F13A1: variants seen among roughly 807,000 people sequenced by gnomAD.
The protein encoded by F13A1 is FSF, A subunit.
In F13A1, 47 loss-of-function variants were observed where a neutral mutation model predicts 80.1. The observed-to-expected ratio is 0.59, with a 90% CI of 0.46 to 0.75. The LOEUF (loss-of-function observed/expected upper bound fraction) is 0.75, where lower values mean the gene tolerates loss of function less well. F13A1 is among the 30% of genes least tolerant of loss of function. The pLI, the probability that F13A1 is intolerant of heterozygous loss-of-function variation, is 0.00. For synonymous variants in F13A1, 349 were observed against 344.9 expected (o/e 1.01, Z -0.13); for missense variants, 817 against 930.4 (o/e 0.88, Z 1.59).
chr6:6,295,435 T>C (rs1291121672), intron 3 of F13A1, among the ~76,000 whole-genome samples: 4 of 148,268 alleles, frequency 2.7e-5, no homozygotes, highest in Non-Finnish European at 5.9e-5. Flanking sequence ...ATGATTGCCA[T>C]TCTAACTGGT....
intron 2 of F13A1, among the ~76,000 whole-genome samples, chr6:6,311,058 G>A (rs1472898004): frequency 1.4e-4 from 14 of 97,402 alleles, no homozygotes; most frequent in Admixed American, 2.0e-4. Context: ...TTAAAAAAAA[G>A]TATCATTGTC....
chr6:6,179,457 TG>T (rs1250136740), intron 11 of F13A1, among the ~76,000 whole-genome samples: 1 of 152,218 alleles, frequency 6.6e-6, no homozygotes, highest in Non-Finnish European at 1.5e-5. Flanking sequence ...TCAGCATTTG[TG>T]GATCAGAGAA....
chr6:6,190,178 C>G (rs1291569321), intron 10 of F13A1, among the ~76,000 whole-genome samples: 4 of 151,938 alleles, frequency 2.6e-5, no homozygotes, highest in South Asian at 2.1e-4. Flanking sequence ...AATGTCCTCC[C>G]GTAGCTCAGA....
intron 3 of F13A1, among the ~76,000 whole-genome samples, chr6:6,304,299 C>T (rs765406450): frequency 4.1e-4 from 62 of 152,098 alleles, no homozygotes; most frequent in Non-Finnish European, 7.9e-4. Flanking sequence ...TCTGTGACTG[C>T]TGATTTGATT....
At chr6:6,197,732 GA>G (rs1761316986) in intron 8 of F13A1, among the ~76,000 whole-genome samples, 1 of 151,684 alleles carries the variant, frequency 6.6e-6, no homozygotes, top group African/African-American at 2.4e-5. Flanking sequence ...CAGATTATTA[GA>G]ATGGATTAAG....
Position 6,145,620 on chromosome 6 carries a change from C to T in F13A1, c.2198G>A (p.Ter733=), listed in dbSNP as rs1311248961. 1.2e-6 allele frequency: 2 copies of T among 1,614,006 alleles called. No individual in the cohort carries two copies. The highest frequency in any genetic ancestry group is 1.7e-6 in the Non-Finnish European group (2 of 1,179,992). Residue 733 remains the stop codon, a stop_retained_variant, in exon 15 of 15, where the codon TGA becomes TAA. Coordinates refer to ENST00000264870, the MANE Select transcript of F13A1 (RefSeq NM_000129.4). Reference sequence around the variant, plus strand: ...GGTTCATCTCAGCTTCCTGTGCATTCACATGGAAGGTCGTCTTTGAATCTG... The same window carrying T: ...GGTTCATCTCAGCTTCCTGTGCATTTACATGGAAGGTCGTCTTTGAATCTG... ...DVQIQRRPSM[*]
chr6:6,296,456 C>T (rs1758329345), intron 3 of F13A1, among the ~76,000 whole-genome samples: 1 of 146,556 alleles, frequency 6.8e-6, no homozygotes. Flanking sequence ...TGAAGAGGTC[C>T]TTCACATCCC....
intron 8 of F13A1, among the ~76,000 whole-genome samples, chr6:6,210,743 T>A (rs549387169): frequency 7.2e-5 from 11 of 152,052 alleles, no homozygotes; most frequent in African/African-American, 2.7e-4. Context: ...TATTTATTTT[T>A]GAGACCAAGT....
rs778625514 is a variant in F13A1 at position 6,272,753 on chromosome 6, TACA to T, written c.320-5947_320-5945del. ...AGTAATGCCTGCAAGGACAAACTCCTACAACAACAGAAAGTCCAGATGTCCCAA... is the reference window on the plus strand; with the variant it reads ...AGTAATGCCTGCAAGGACAAACTCCTACAACAGAAAGTCCAGATGTCCCAA... On this transcript the variant is annotated intron_variant, in intron 3 of 14. Transcript: ENST00000264870. 7.9e-5 allele frequency among the ~76,000 whole-genome samples: 12 copies of T among 152,200 alleles called. No homozygotes were observed. In the East Asian group the frequency reaches 1.7e-3, roughly 22 times the overall value.
At chr6:6,272,523 C>A (rs868459314) in intron 3 of F13A1, among the ~76,000 whole-genome samples, 8 of 152,186 alleles carry the variant, frequency 5.3e-5, no homozygotes, top group Non-Finnish European at 8.8e-5. Flanking sequence ...GGCATGTCAT[C>A]TGTAAGTCCA....
intron 8 of F13A1, among the ~76,000 whole-genome samples, chr6:6,203,140 A>T (rs1761426813): frequency 6.6e-6 from 1 of 152,264 alleles, no homozygotes. Context: ...ATTCAGCCAT[A>T]AAAATGCAGA....
In F13A1 at chr6:6,214,329, G is replaced by C. The variant is rs1206595722; in HGVS notation, c.1112+7704C>G. Among the ~76,000 whole-genome samples, 284 of 151,586 alleles carry C rather than the reference G, an allele frequency of 1.9e-3. 1 individual carries two copies. Among genetic ancestry groups the C allele is most frequent in the African/African-American group, 6.3e-3 (260 of 41,010 alleles). On this transcript the variant is annotated intron_variant, in intron 8 of 14. Coordinates refer to ENST00000264870, the MANE Select transcript of F13A1 (RefSeq NM_000129.4). ...AAGAACAGAAATTATAACAAACTATGTCTCAGACCACAGTGCAATCAAACT... is the reference window on the plus strand; with the variant it reads ...AAGAACAGAAATTATAACAAACTATCTCTCAGACCACAGTGCAATCAAACT...
chr6:6,190,298 C>G (rs1021966156), intron 10 of F13A1, among the ~76,000 whole-genome samples: 12 of 152,208 alleles, frequency 7.9e-5, no homozygotes, highest in Admixed American at 2.6e-4. Flanking sequence ...AGGAGAGGCG[C>G]TCTTCTTTCT....
At chr6:6,193,956 G>A (rs529181671) in intron 10 of F13A1, among the ~76,000 whole-genome samples, 31 of 152,334 alleles carry the variant, frequency 2.0e-4, no homozygotes, top group Non-Finnish European at 3.8e-4. Flanking sequence ...CGGCAGGTAC[G>A]ATGAGATGAA....
intron 3 of F13A1, among the ~76,000 whole-genome samples, chr6:6,273,217 AAACTG>A (rs1757945031): frequency 6.6e-6 from 1 of 152,304 alleles, no homozygotes; most frequent in African/African-American, 2.4e-5. Context: ...TCCGCTTGTT[AAACTG>A]AACTGAAGAC....
chr6:6,210,413 C>T (rs1321101270), intron 8 of F13A1, among the ~76,000 whole-genome samples: 23 of 145,812 alleles, frequency 1.6e-4, no homozygotes, highest in Middle Eastern at 3.8e-3. Context: ...GGCACGATCT[C>T]GGCTCACTGA....
At chr6:6,242,836 T>C (rs1456493678) in intron 6 of F13A1, among the ~76,000 whole-genome samples, 1 of 152,188 alleles carries the variant, frequency 6.6e-6, no homozygotes, top group Non-Finnish European at 1.5e-5. Context: ...CATTCTTCTA[T>C]CTTTTGATCC....
intron 4 of F13A1, among the ~76,000 whole-genome samples, chr6:6,258,622 C>G (rs948031670): frequency 6.6e-6 from 1 of 152,104 alleles, no homozygotes; most frequent in African/African-American, 2.4e-5. Context: ...ACTGTGAGCT[C>G]TCTGGGATCC....
chr6:6,235,731 C>T (rs1757405047), intron 6 of F13A1, among the ~76,000 whole-genome samples: 1 of 152,048 alleles, frequency 6.6e-6, no homozygotes, highest in Admixed American at 6.6e-5. Context: ...TTGGTAGTTT[C>T]TTAAAAATTA....
Sources: gnomAD v4.1 joint callset for allele counts (sites outside exome capture counted in the v4.1 genomes callset) on GRCh38, gnomAD v4.1.1 for gene constraint, MANE v1.5 for transcripts, NCBI Gene and HGNC (gene_info 2026-07-23, HGNC 2026-07-21) for gene names.